The following NETO1 variants were observed in gnomAD, a reference collection of about 807,000 sequenced individuals.
The protein encoded by NETO1 is neuropilin and tolloid like 1.
Under a neutral mutation model 61.3 loss-of-function variants are expected in NETO1, and 26 were observed. That is an observed-to-expected ratio of 0.42 (90% CI 0.31 to 0.59). The LOEUF (loss-of-function observed/expected upper bound fraction) is 0.59. Among genes scored for constraint, NETO1 ranks in the 20% least tolerant of loss-of-function variants. The pLI, the probability that NETO1 is intolerant of heterozygous loss-of-function variation, is 0.12. For synonymous variants in NETO1, 225 were observed against 225.8 expected, an observed-to-expected ratio of 1.00 and a Z score of 0.03; for missense variants, 531 against 662.8, an observed-to-expected ratio of 0.80 and a Z score of 2.18.
At chr18:72,802,699 G>A (rs1053315045) in intron 4 of NETO1, among the ~76,000 whole-genome samples, 1 of 152,184 alleles carries the variant, frequency 6.6e-6, no homozygotes, top group Non-Finnish European at 1.5e-5. Context: ...AACAATGGTG[G>A]AGAGAATTGC....
At chr18:72,854,805 C>A (rs896784763) in intron 4 of NETO1, among the ~76,000 whole-genome samples, 2 of 149,666 alleles carry the variant, frequency 1.3e-5, no homozygotes, top group Admixed American at 6.7e-5. Flanking sequence ...ATAATTTATA[C>A]AAGTAATACC....
At chr18:72,853,461 T>C (rs771053463) in intron 4 of NETO1, 2 of 150,694 alleles carry the variant, frequency 1.3e-5, no homozygotes, top group Non-Finnish European at 2.9e-5. Flanking sequence ...GAAAAAAAAA[T>C]CGAAGTCCTT....
At chr18:72,852,833 C>CTTTTT (rs71166431) in intron 4 of NETO1, among the ~76,000 whole-genome samples, 2 of 132,286 alleles carry the variant, frequency 1.5e-5, no homozygotes, top group Non-Finnish European at 3.2e-5. Context: ...TTTTCTTTTT[C>CTTTTT]TTTTTTTTTT....
intron 3 of NETO1, among the ~76,000 whole-genome samples, chr18:72,863,476 G>A (rs9948277): frequency 0.32 from 48,403 of 152,092 alleles, 8,292 homozygotes; most frequent in East Asian, 0.67. Context: ...CTATGAGGCA[G>A]GTAGCGAGTA....
intron 6 of NETO1, among the ~76,000 whole-genome samples, chr18:72,784,768 A>G (rs2071857589): frequency 6.6e-6 from 1 of 152,248 alleles, no homozygotes; most frequent in Non-Finnish European, 1.5e-5. Flanking sequence ...CAAAATCACA[A>G]GAATTCATTC....
At chr18:72,791,754 G>A (rs1295164060) in intron 6 of NETO1, among the ~76,000 whole-genome samples, 1 of 152,112 alleles carries the variant, frequency 6.6e-6, no homozygotes, top group African/African-American at 2.4e-5. Context: ...TTTTTAAAAA[G>A]TCTTTAAAAA....
intron 4 of NETO1, among the ~76,000 whole-genome samples, chr18:72,826,121 G>A (rs955324028): frequency 5.9e-5 from 9 of 152,136 alleles, no homozygotes; most frequent in Admixed American, 5.2e-4. Context: ...CACAATTATC[G>A]TGGTTTGCTA....
chr18:72,824,244 TTAC>T (rs1405483427), intron 4 of NETO1, among the ~76,000 whole-genome samples: 1 of 152,214 alleles, frequency 6.6e-6, no homozygotes, highest in Non-Finnish European at 1.5e-5. Context: ...TATCGAATAA[TTAC>T]TAAAGAACTA....
intron 7 of NETO1, among the ~76,000 whole-genome samples, chr18:72,776,038 T>C (rs2145198661): frequency 6.6e-6 from 1 of 152,260 alleles, no homozygotes; most frequent in East Asian, 1.9e-4. Context: ...GGGTAGTTTA[T>C]TTCCCAAAAA....
At chr18:72,866,681 A>C in intron 1 of NETO1, 2 of 976,656 alleles carry the variant, frequency 2.0e-6, no homozygotes, top group Non-Finnish European at 2.4e-6. Flanking sequence ...CTTTTACTCG[A>C]TGACTCGTGA....
intron 7 of NETO1, among the ~76,000 whole-genome samples, chr18:72,778,836 T>C (rs1156736398): frequency 6.6e-6 from 1 of 152,160 alleles, no homozygotes; most frequent in Non-Finnish European, 1.5e-5. Flanking sequence ...CTCCAGCCTC[T>C]ACTCATTACC....
At chr18:72,823,330 G>C (rs1193488050) in intron 4 of NETO1, among the ~76,000 whole-genome samples, 1 of 152,156 alleles carries the variant, frequency 6.6e-6, no homozygotes, top group Non-Finnish European at 1.5e-5. Flanking sequence ...TCAGTGGGTG[G>C]TAGGTAGGTA....
chr18:72,776,438 C>G (rs988574026), intron 7 of NETO1, among the ~76,000 whole-genome samples: 4 of 152,128 alleles, frequency 2.6e-5, no homozygotes, highest in Non-Finnish European at 4.4e-5. Flanking sequence ...GAAACCAAAC[C>G]ATGGCATGCT....
chr18:72,838,525 G>A (rs1186335779), intron 4 of NETO1, among the ~76,000 whole-genome samples: 2 of 152,182 alleles, frequency 1.3e-5, no homozygotes. Flanking sequence ...GCTTGACTTA[G>A]TGCTTCCTGC....
chr18:72,755,932 C>CTATACACTCT, intron 8 of NETO1, 102 bp downstream of exon 8: 1 of 628,666 alleles, frequency 1.6e-6, no homozygotes, highest in Non-Finnish European at 2.9e-6. Flanking sequence ...ATAAAAGGCA[C>CTATACACTCT]TATACACTCT....
chr18:72,768,805 T>C (rs1055580176), intron 7 of NETO1, among the ~76,000 whole-genome samples: 6 of 152,210 alleles, frequency 3.9e-5, no homozygotes, highest in African/African-American at 1.2e-4. Flanking sequence ...GAGCCTCTTA[T>C]GGGGCAGCAG....
At chr18:72,846,504 CAAAAAAAAAAAAAAAAAA>C (rs35252443) in intron 4 of NETO1, among the ~76,000 whole-genome samples, 3 of 13,006 alleles carry the variant, frequency 2.3e-4, no homozygotes, top group East Asian at 3.3e-3. Flanking sequence ...GACTTCATCT[CAAAAAAAAAAAAAAAAAA>C]AAAAAAAAAA....
chr18:72,778,376 A>C (rs974117047), intron 7 of NETO1, among the ~76,000 whole-genome samples: 1 of 152,158 alleles, frequency 6.6e-6, no homozygotes, highest in Non-Finnish European at 1.5e-5. Context: ...ATAGGCTGAG[A>C]ATTTTCCAAA....
At chr18:72,758,951 A>C (rs1291201138) in intron 7 of NETO1, among the ~76,000 whole-genome samples, 1 of 152,212 alleles carries the variant, frequency 6.6e-6, no homozygotes, top group Non-Finnish European at 1.5e-5. Flanking sequence ...ATAATATTAT[A>C]TTGGGTTCCG....
Sources: gnomAD v4.1 joint callset for allele counts (sites outside exome capture counted in the v4.1 genomes callset) on GRCh38, gnomAD v4.1.1 for gene constraint, MANE v1.5 for transcripts, NCBI Gene and HGNC (gene_info 2026-07-23, HGNC 2026-07-21) for gene names.